The following TMEM232 variants were observed in gnomAD, a reference collection of about 807,000 sequenced individuals.
TMEM232 encodes transmembrane protein 232.
In TMEM232, 80 loss-of-function variants were observed where a neutral mutation model predicts 78.8. That is an observed-to-expected ratio of 1.01 (90% confidence interval 0.85 to 1.22). TMEM232 has a LOEUF of 1.22. Ranked by LOEUF, TMEM232 falls within the 50% of genes most tolerant of loss-of-function variation. TMEM232 has a pLI of 0.00. For missense variants in TMEM232, 881 were observed against 742.2 expected, an observed-to-expected ratio of 1.19 and a Z score of -2.17; for synonymous variants, 297 against 254.3, an observed-to-expected ratio of 1.17 and a Z score of -1.60.
chr5:110,422,797 T>C (rs570286312), intron 13 of TMEM232, among the ~76,000 whole-genome samples: 62 of 152,266 alleles, frequency 4.1e-4, no homozygotes, highest in African/African-American at 1.4e-3. Flanking sequence ...TTTCTTTTTG[T>C]CTCTGGTGAC....
intron 12 of TMEM232, among the ~76,000 whole-genome samples, chr5:110,427,465 GAGATGT>G (rs780562011): frequency 5.3e-5 from 8 of 151,940 alleles, no homozygotes; most frequent in Non-Finnish European, 1.2e-4. Flanking sequence ...GGCATTAAAT[GAGATGT>G]AGAATTTTGA....
At chr5:110,438,272 T>C (rs1340103423) in intron 12 of TMEM232, among the ~76,000 whole-genome samples, 2 of 151,724 alleles carry the variant, frequency 1.3e-5, no homozygotes, top group Non-Finnish European at 2.9e-5. Flanking sequence ...CACTACATCA[T>C]ATTCCTCTGC....
At chr5:110,515,760 T>C (rs1189797489) in intron 12 of TMEM232, among the ~76,000 whole-genome samples, 1 of 152,222 alleles carries the variant, frequency 6.6e-6, no homozygotes, top group African/African-American at 2.4e-5. Flanking sequence ...CTGCTTCTAC[T>C]ACTACGGCAC....
chr5:110,471,160 A>C (rs1421789264), intron 12 of TMEM232, among the ~76,000 whole-genome samples: 2 of 152,162 alleles, frequency 1.3e-5, no homozygotes, highest in East Asian at 3.8e-4. Context: ...CAAAAGAAAG[A>C]ATCTCTGAAC....
At position 110,401,283 on chromosome 5, in the gene TMEM232, C is replaced by CTTTTTTTTTTTTTTTTTTT. The variant is rs1278936876; in HGVS notation, n.309-3430_309-3429insAAAAAAAAAAAAAAAAAAA. 9.7e-5 allele frequency among the ~76,000 whole-genome samples: 14 copies of CTTTTTTTTTTTTTTTTTTT among 143,984 alleles called. 1 individual carries two copies. Among genetic ancestry groups the CTTTTTTTTTTTTTTTTTTT allele is most frequent in the African/African-American group, 3.6e-4 (14 of 38,434 alleles). The allele number at this position is 143,984 out of a possible 152,430, so 94.5% of individuals were successfully genotyped here. ...GGCAACTTGACACAGACACAACATT[C>CTTTTTTTTTTTTTTTTTTT]TTTTTTTTTTTGGAGCACTTAAGAT... On this transcript the variant is annotated intron_variant and non_coding_transcript_variant, in intron 2 of 8. Coordinates refer to the TMEM232 transcript ENST00000507188.
At chr5:110,452,369 G>A (rs1405813250) in intron 12 of TMEM232, among the ~76,000 whole-genome samples, 2 of 152,086 alleles carry the variant, frequency 1.3e-5, no homozygotes, top group African/African-American at 2.4e-5. Flanking sequence ...GAAAAACACA[G>A]TACAATTTTA....
chr5:110,723,985 C>A (rs1797912953), intron 1 of TMEM232, among the ~76,000 whole-genome samples: 1 of 152,070 alleles, frequency 6.6e-6, no homozygotes, highest in African/African-American at 2.4e-5. Flanking sequence ...AAGACAGAAG[C>A]CTGGAACATT....
At chr5:110,461,760 T>C (rs1761555027) in intron 12 of TMEM232, among the ~76,000 whole-genome samples, 1 of 152,190 alleles carries the variant, frequency 6.6e-6, no homozygotes, top group Admixed American at 6.5e-5. Flanking sequence ...TCTAGGGCCC[T>C]TGAGAATTAT....
At chr5:110,477,397 T>C (rs924750939) in intron 12 of TMEM232, among the ~76,000 whole-genome samples, 2 of 151,870 alleles carry the variant, frequency 1.3e-5, no homozygotes, top group East Asian at 1.9e-4. Flanking sequence ...ACAAATCTAG[T>C]TTTGTAAATG....
Position 110,663,771 on chromosome 5 carries a change from G to GTATA in TMEM232, c.125+3456_125+3457insTATA, listed in dbSNP as rs1491234887. On this transcript the variant is annotated intron_variant, in intron 2 of 13. Transcript: ENST00000455884. ...TGTGTGTGTGTGTGTGTGTGTGTGT[G>GTATA]TGTATATACAATATTCAGATACTTT... is the stretch of plus-strand genomic sequence containing the variant. Among the ~76,000 whole-genome samples the GTATA allele has an allele frequency of 1.6e-3, 230 of 144,594 alleles. 2 individuals carry two copies. Among genetic ancestry groups the GTATA allele is most frequent in the African/African-American group, 5.7e-3 (216 of 37,906 alleles). 94.9% of individuals were successfully genotyped at this position (144,594 alleles called of 152,430 possible). A position where few individuals can be genotyped will look rare whatever the true frequency, so the allele number is the denominator to read the frequency against.
At chr5:110,430,613 C>A (rs1214719169) in intron 12 of TMEM232, among the ~76,000 whole-genome samples, 1 of 151,666 alleles carries the variant, frequency 6.6e-6, no homozygotes, top group African/African-American at 2.4e-5. Context: ...TTGTTTTCCT[C>A]TAAAATTTCA....
chr5:110,396,539 TC>T lies in TMEM232; in HGVS notation n.390+1233del, dbSNP rs1334852033. Among the ~76,000 whole-genome samples, 5 of 152,206 alleles carry T rather than the reference TC, an allele frequency of 3.3e-5. No homozygotes were observed. In the East Asian group the frequency reaches 9.6e-4, roughly 29 times the overall value. On this transcript the variant is annotated intron_variant and non_coding_transcript_variant, in intron 3 of 8. Coordinates refer to the TMEM232 transcript ENST00000507188. The stretch of plus-strand genomic sequence containing the variant: ...GAGGTATGTTTTGGGGCATCAAGCT[TC>T]TGGTTAGCATTGCTTGTGCAGTAGG...
At chr5:110,659,677 C>T (rs895298238) in intron 2 of TMEM232, among the ~76,000 whole-genome samples, 1 of 152,124 alleles carries the variant, frequency 6.6e-6, no homozygotes, top group African/African-American at 2.4e-5. Context: ...TTATCATGCT[C>T]ATCCCACCAC....
chr5:110,475,966 G>C (rs953757865), intron 12 of TMEM232, among the ~76,000 whole-genome samples: 3 of 151,952 alleles, frequency 2.0e-5, no homozygotes, highest in African/African-American at 7.2e-5. Context: ...GAATAAAATT[G>C]ACAGAACACT....
At chr5:110,545,016 A>G (rs1489172666) in intron 11 of TMEM232, among the ~76,000 whole-genome samples, 1 of 152,124 alleles carries the variant, frequency 6.6e-6, no homozygotes, top group Non-Finnish European at 1.5e-5. Flanking sequence ...CTCTCTGAGC[A>G]TGATTCCTTA....
At chr5:110,424,544 G>T (rs1459173059) in intron 13 of TMEM232, among the ~76,000 whole-genome samples, 3 of 152,110 alleles carry the variant, frequency 2.0e-5, no homozygotes, top group Non-Finnish European at 4.4e-5. Context: ...AGTGTTCAGT[G>T]TTCAATATAA....
At chr5:110,530,610 T>C (rs2149535224) in intron 11 of TMEM232, among the ~76,000 whole-genome samples, 1 of 152,244 alleles carries the variant, frequency 6.6e-6, no homozygotes, top group Admixed American at 6.5e-5. Flanking sequence ...TCATGTTAAG[T>C]GAAATAAACC....
At chr5:110,503,707 T>C (rs143333109) in intron 12 of TMEM232, among the ~76,000 whole-genome samples, 114 of 152,292 alleles carry the variant, frequency 7.5e-4, no homozygotes, top group African/African-American at 2.7e-3. Context: ...GATCTTTGTT[T>C]TCCATAAGCC....
chr5:110,698,802 T>C (rs191913495), intron 1 of TMEM232, among the ~76,000 whole-genome samples: 1 of 152,256 alleles, frequency 6.6e-6, no homozygotes, highest in East Asian at 1.9e-4. Context: ...AACCAAGCAT[T>C]GCTGCAGTTA....
Sources: gnomAD v4.1 joint callset for allele counts (sites outside exome capture counted in the v4.1 genomes callset) on GRCh38, gnomAD v4.1.1 for gene constraint, MANE v1.5 for transcripts, NCBI Gene and HGNC (gene_info 2026-07-23, HGNC 2026-07-21) for gene names.